The following IL1RAPL1 variants were observed in gnomAD, a reference collection of about 807,000 sequenced individuals.
IL1RAPL1 encodes the protein interleukin-1 receptor accessory protein-like 1.
In IL1RAPL1, 3 loss-of-function variants were observed where a neutral mutation model predicts 48.4. The observed-to-expected ratio is 0.06, with a 90% CI of 0.03 to 0.16. IL1RAPL1 has a LOEUF of 0.16. IL1RAPL1 is among the 10% of genes least tolerant of loss of function. The pLI, the probability that IL1RAPL1 is intolerant of heterozygous loss-of-function variation, is 1.00. For synonymous variants in IL1RAPL1, 185 were observed against 187.7 expected (o/e 0.99, Z 0.12); for missense variants, 349 against 530.6 (o/e 0.66, Z 3.36).
chrX:29,411,441 A>G (rs541893039), intron 5 of IL1RAPL1, among the ~76,000 whole-genome samples: 1 of 111,798 alleles, frequency 8.9e-6, no homozygotes, highest in African/African-American at 3.2e-5. Context: ...TGGCTGCCCT[A>G]TTGCTGTTGT....
At chrX:29,256,901 T>A (rs149628076) in intron 2 of IL1RAPL1, among the ~76,000 whole-genome samples, 5 of 111,577 alleles carry the variant, frequency 4.5e-5, no homozygotes, top group African/African-American at 1.6e-4. Flanking sequence ...AGTGACTTGA[T>A]GTCCACACAT....
intron 6 of IL1RAPL1, among the ~76,000 whole-genome samples, chrX:29,904,206 G>A (rs1932561026): frequency 1.8e-5 from 2 of 111,297 alleles, no homozygotes; most frequent in African/African-American, 6.5e-5. Flanking sequence ...AAGAGCTGTG[G>A]TGGTTGGCTC....
At chrX:29,205,351 T>G (rs1247438106) in intron 2 of IL1RAPL1, among the ~76,000 whole-genome samples, 1 of 112,359 alleles carries the variant, frequency 8.9e-6, no homozygotes, top group African/African-American at 3.2e-5. Context: ...AAACAAGTTG[T>G]GAATTTAGGC....
intron 2 of IL1RAPL1, among the ~76,000 whole-genome samples, chrX:28,909,903 C>T (rs1164101070): frequency 9.0e-6 from 1 of 111,558 alleles, no homozygotes; most frequent in Non-Finnish European, 1.9e-5. Flanking sequence ...ACAAGTATGG[C>T]TTTAAAAACA....
chrX:29,859,803 C>CAGAAAGG (rs1931542399), intron 6 of IL1RAPL1, among the ~76,000 whole-genome samples: 1 of 111,827 alleles, frequency 8.9e-6, no homozygotes, highest in Middle Eastern at 4.8e-3. Flanking sequence ...AATACTTACA[C>CAGAAAGG]AGAAAGGGTC....
At chrX:29,508,044 A>G (rs1332859098) in intron 5 of IL1RAPL1, among the ~76,000 whole-genome samples, 2 of 111,705 alleles carry the variant, frequency 1.8e-5, no homozygotes, top group Admixed American at 9.5e-5. Context: ...CCCACATGAC[A>G]GATAACAATT....
At chrX:29,348,049 T>G (rs2147650570) in intron 3 of IL1RAPL1, among the ~76,000 whole-genome samples, 1 of 112,424 alleles carries the variant, frequency 8.9e-6, no homozygotes, top group African/African-American at 3.2e-5. Flanking sequence ...CCATTTAATA[T>G]TGTTGGACCT....
intron 5 of IL1RAPL1, among the ~76,000 whole-genome samples, chrX:29,484,304 G>C (rs1201398952): frequency 9.0e-6 from 1 of 111,454 alleles, no homozygotes. Flanking sequence ...GTATCACATG[G>C]TGACAGGGCA....
intron 2 of IL1RAPL1, among the ~76,000 whole-genome samples, chrX:28,800,126 C>A (rs1041352246): frequency 3.6e-5 from 4 of 111,639 alleles, no homozygotes; most frequent in African/African-American, 1.3e-4. Context: ...CCTCTTCCAC[C>A]TTCTGGTGGC....
At chrX:29,346,033 G>T (rs1486362299) in intron 3 of IL1RAPL1, among the ~76,000 whole-genome samples, 2 of 111,862 alleles carry the variant, frequency 1.8e-5, no homozygotes, top group African/African-American at 6.5e-5. Flanking sequence ...AGGCCAGTCA[G>T]TTCTTCGATT....
At chrX:29,140,492 G>A (rs1363641963) in intron 2 of IL1RAPL1, among the ~76,000 whole-genome samples, 1 of 111,916 alleles carries the variant, frequency 8.9e-6, no homozygotes, top group African/African-American at 3.2e-5. Flanking sequence ...ATCCACTGAT[G>A]AGTGCTTTCT....
intron 2 of IL1RAPL1, among the ~76,000 whole-genome samples, chrX:28,857,971 T>C (rs1445830078): frequency 8.9e-6 from 1 of 111,956 alleles, no homozygotes; most frequent in Non-Finnish European, 1.9e-5. Flanking sequence ...CTGTGATTCA[T>C]GGGAGGAGGT....
intron 2 of IL1RAPL1, among the ~76,000 whole-genome samples, chrX:28,993,967 G>A (rs1363807628): frequency 9.0e-6 from 1 of 111,091 alleles, no homozygotes; most frequent in Non-Finnish European, 1.9e-5. Context: ...TTTGTACCAG[G>A]TACTCTTTTC....
At chrX:28,624,502 T>C (rs1241744618) in intron 1 of IL1RAPL1, among the ~76,000 whole-genome samples, 1 of 111,769 alleles carries the variant, frequency 8.9e-6, no homozygotes, top group Non-Finnish European at 1.9e-5. Context: ...ACCCCACAGA[T>C]CAAACTTATT....
At chrX:28,664,246 A>AT (rs1934851637) in intron 1 of IL1RAPL1, among the ~76,000 whole-genome samples, 1 of 112,377 alleles carries the variant, frequency 8.9e-6, no homozygotes, top group Non-Finnish European at 1.9e-5. Context: ...CGAAAATTCA[A>AT]TTGTGATTTG....
At chrX:29,561,349 G>A (rs1416771788) in intron 5 of IL1RAPL1, among the ~76,000 whole-genome samples, 6 of 112,248 alleles carry the variant, frequency 5.3e-5, no homozygotes, top group Non-Finnish European at 1.1e-4. Flanking sequence ...AAAGTTAAAT[G>A]GGTCCACAAG....
chrX:29,519,967 G>A (rs1338520087), intron 5 of IL1RAPL1, among the ~76,000 whole-genome samples: 3 of 111,804 alleles, frequency 2.7e-5, no homozygotes, highest in African/African-American at 9.8e-5. Flanking sequence ...CACCTCCCAA[G>A]TGAATTGTCT....
intron 9 of IL1RAPL1, among the ~76,000 whole-genome samples, chrX:29,948,546 C>T (rs1163961609): frequency 9.0e-6 from 1 of 111,016 alleles, no homozygotes; most frequent in African/African-American, 3.3e-5. Context: ...ATCTTGAAAA[C>T]TTGAGAAAGC....
rs937490282 is a variant in IL1RAPL1, at chrX:29,056,560, A to C, written c.83-226378A>C. On this transcript the variant is annotated intron_variant, in intron 2 of 10. Coordinates refer to ENST00000378993, the MANE Select transcript of IL1RAPL1 (RefSeq NM_014271.4). ...ACATTTTAATAGAATGCACAATATT[A>C]CTTCCACCAAATTTTCTTCTTTTCT... 3.6e-5 allele frequency among the ~76,000 whole-genome samples: 4 copies of C among 112,120 alleles called. No individual in the cohort carries two copies. In the Admixed American group the frequency reaches 3.8e-4, roughly 11 times the overall value.
Sources: gnomAD v4.1 joint callset for allele counts (sites outside exome capture counted in the v4.1 genomes callset) on GRCh38, gnomAD v4.1.1 for gene constraint, MANE v1.5 for transcripts, NCBI Gene and HGNC (gene_info 2026-07-23, HGNC 2026-07-21) for gene names.